The following COL14A1 variants were observed in gnomAD, a reference collection of about 807,000 sequenced individuals.
COL14A1 encodes collagen type XIV alpha 1 chain.
A neutral mutation model predicts 230.3 loss-of-function variants in COL14A1; 136 were observed. That is an observed-to-expected ratio of 0.59 (90% confidence interval 0.51 to 0.68). COL14A1 has a LOEUF of 0.68. COL14A1 is among the 30% of genes least tolerant of loss of function. The probability of loss-of-function intolerance (pLI) is 0.00; values close to 1 mark genes in which losing one functional copy is unlikely to be tolerated. For synonymous variants in COL14A1, 792 were observed against 784.1 expected (o/e 1.01, Z -0.17); for missense variants, 1,976 against 2,215.8 (o/e 0.89, Z 2.17).
chr8:120,231,350 C>T, intron 18 of COL14A1, 117 bp from the exon 19 acceptor site: 2 of 1,098,782 alleles, frequency 1.8e-6, no homozygotes, highest in South Asian at 1.6e-5. Context: ...TCATATACAA[C>T]TATATTACAG....
intron 26 of COL14A1, among the ~76,000 whole-genome samples, chr8:120,273,103 A>G (rs1041614101): frequency 6.6e-6 from 1 of 151,874 alleles, no homozygotes; most frequent in Non-Finnish European, 1.5e-5. Context: ...TTCTCAGACC[A>G]CAATGGAATA....
At chr8:120,212,422 G>A in intron 12 of COL14A1, 26 bp from the exon 13 acceptor site, 3 of 1,610,590 alleles carry the variant, frequency 1.9e-6, no homozygotes, top group Non-Finnish European at 2.5e-6. Context: ...ATTGGCAAAT[G>A]ATCTAACAAC....
intron 45 of COL14A1, among the ~76,000 whole-genome samples, chr8:120,365,038 C>G (rs569222930): frequency 6.6e-6 from 1 of 151,660 alleles, no homozygotes; most frequent in South Asian, 2.1e-4. Context: ...GAGGCTAGTT[C>G]TCTCTTCTTA....
intron 34 of COL14A1, among the ~76,000 whole-genome samples, chr8:120,293,916 A>G (rs769660186): frequency 6.6e-6 from 1 of 151,906 alleles, no homozygotes; most frequent in Non-Finnish European, 1.5e-5. Flanking sequence ...GTTTCCCTTA[A>G]ATTCAATAAA....
intron 17 of COL14A1, among the ~76,000 whole-genome samples, chr8:120,227,655 A>G (rs1367136351): frequency 6.6e-6 from 1 of 152,160 alleles, no homozygotes; most frequent in Non-Finnish European, 1.5e-5. Flanking sequence ...AAATGGATGG[A>G]TGGATAGATG....
intron 37 of COL14A1, 77 bp from the exon 38 acceptor site, chr8:120,313,855 G>T (rs1045748292): frequency 7.9e-6 from 7 of 883,774 alleles, no homozygotes; most frequent in South Asian, 6.5e-5. Context: ...AATTATAATT[G>T]TCCTAAGCAG....
chr8:120,139,789 G>C (rs148962135), intron 1 of COL14A1, among the ~76,000 whole-genome samples: 2 of 152,056 alleles, frequency 1.3e-5, no homozygotes, highest in Admixed American at 6.6e-5. Context: ...ACTGGGAGGC[G>C]GAGGTGGGAG....
At position 120,289,782 on chromosome 8, in the gene COL14A1, C is replaced by T. The variant is rs368658469; in HGVS notation, c.4236+16C>T. 5.0e-5 allele frequency: 81 copies of T among 1,604,374 alleles called. No individual in the cohort carries two copies. Among genetic ancestry groups the T allele is most frequent in the African/African-American group, 1.9e-4 (14 of 74,742 alleles). On this transcript the variant is annotated intron_variant, in intron 34 of 47. Coordinates refer to ENST00000297848, the MANE Select transcript of COL14A1 (RefSeq NM_021110.4). ...CTCTGCACCGGTAAGTGAATAAACC[C>T]GTGAAGCTGTGTTATTGTTAAGGGA...
Position 120,318,142 on chromosome 8 carries a change from C to T in COL14A1, c.4659+2145C>T, listed in dbSNP as rs564834336. On this transcript the variant is annotated intron_variant, in intron 40 of 47. Transcript: ENST00000297848. ...CCCTGAAATTGTGTAACATGGCTGC[C>T]TTGCTTGAGGGAAGGACCACATATT... 1.6e-3 allele frequency among the ~76,000 whole-genome samples: 242 copies of T among 152,296 alleles called. 4 individuals carry two copies. The highest frequency in any genetic ancestry group is 7.5e-4 in the Non-Finnish European group (51 of 68,036).
chr8:120,224,863 G>T (rs1818045499), intron 14 of COL14A1, among the ~76,000 whole-genome samples: 1 of 152,332 alleles, frequency 6.6e-6, no homozygotes. Flanking sequence ...TGTCTGGAAT[G>T]AATGGAAAGA....
rs61733752 is a variant in COL14A1, at chr8:120,341,348, A to G, written c.4809A>G (p.Glu1603=). 1,077 of 1,614,172 alleles carry G rather than the reference A, an allele frequency of 6.7e-4. 7 individuals carry two copies. In the African/African-American group the frequency reaches 0.012, roughly 19 times the overall value. The change falls in exon 43 of 48, where the codon GAA becomes GAG. Residue 1603 remains glutamate, a synonymous_variant. Transcript: ENST00000297848. ...AGGGTGTCCCTGGAGCAAAGGGGGA[A>G]CGAGGAGAGCGGGTAAGTATCCTGT... ...GPPGVPGAKG[E]RGERGDLQSQ... is the part of the protein sequence containing the mutation.
At chr8:120,267,905 G>C (rs1430772897) in intron 25 of COL14A1, among the ~76,000 whole-genome samples, 1 of 151,802 alleles carries the variant, frequency 6.6e-6, no homozygotes, top group East Asian at 1.9e-4. Context: ...AGAGGAGAAA[G>C]TAGAACACAT....
chr8:120,187,031 T>C (rs2130664824), intron 5 of COL14A1, among the ~76,000 whole-genome samples: 1 of 152,240 alleles, frequency 6.6e-6, no homozygotes, highest in East Asian at 1.9e-4. Context: ...ATTCATGGAG[T>C]TGGTAAAGTG....
chr8:120,370,790 C>T (rs1251326840), intron 47 of COL14A1: 3 of 1,375,246 alleles, frequency 2.2e-6, no homozygotes, highest in Non-Finnish European at 1.9e-6. Flanking sequence ...CTCCCCTGAT[C>T]ACCTCCCCTC....
chr8:120,291,570 A>AAC (rs1223117864), intron 34 of COL14A1, among the ~76,000 whole-genome samples: 14 of 151,114 alleles, frequency 9.3e-5, no homozygotes, highest in Non-Finnish European at 2.1e-4. Context: ...AAAAAAAAAA[A>AAC]AAAAAAAAAA....
chr8:120,283,003 C>CTGACTTACT (rs1820085715), intron 31 of COL14A1, among the ~76,000 whole-genome samples: 2 of 152,176 alleles, frequency 1.3e-5, no homozygotes, highest in East Asian at 3.9e-4. Context: ...CTTATACTTC[C>CTGACTTACT]TCAATGACCA....
intron 21 of COL14A1, 80 bp downstream of exon 21, chr8:120,247,815 A>G: frequency 6.7e-7 from 1 of 1,502,632 alleles, no homozygotes; most frequent in Non-Finnish European, 9.1e-7. Flanking sequence ...TTTTCTTATA[A>G]CACCTTATGT....
Position 120,371,633 on chromosome 8 carries a change from A to G in COL14A1, c.*402A>G, listed in dbSNP as rs1209945507. ...CAGGAAAAGAATTCAAAGAGGTTCA[A>G]AGAATATGTCACTTACTCCTACTTG... On this transcript the variant is annotated 3_prime_UTR_variant, in exon 48 of 48. Coordinates refer to ENST00000297848, the MANE Select transcript of COL14A1 (RefSeq NM_021110.4). 1 of 398,582 alleles carries G rather than the reference A, an allele frequency of 2.5e-6. No homozygotes were observed. The highest frequency in any genetic ancestry group is 4.4e-6 in the Non-Finnish European group (1 of 225,894). 24.7% of individuals were successfully genotyped at this position (398,582 alleles called of 1,614,324 possible).
At chr8:120,177,303 G>T (rs1275876293) in intron 5 of COL14A1, among the ~76,000 whole-genome samples, 4 of 152,104 alleles carry the variant, frequency 2.6e-5, no homozygotes, top group East Asian at 1.9e-4. Flanking sequence ...AGACACAAAA[G>T]TGGTGGCCTC....
Sources: gnomAD v4.1 joint callset for allele counts (sites outside exome capture counted in the v4.1 genomes callset) on GRCh38, gnomAD v4.1.1 for gene constraint, MANE v1.5 for transcripts, NCBI Gene and HGNC (gene_info 2026-07-23, HGNC 2026-07-21) for gene names.